Variants in GALC observed in about 807,000 individuals in gnomAD.
The protein encoded by GALC is galactosylceramidase.
Under a neutral mutation model 91.8 loss-of-function variants are expected in GALC, and 77 were observed. That is an observed-to-expected ratio of 0.84 (90% CI 0.70 to 1.01). The LOEUF (loss-of-function observed/expected upper bound fraction) is 1.01, where lower values mean the gene tolerates loss of function less well. Ranked by LOEUF, GALC falls within the 50% of genes least tolerant of loss-of-function variation. The pLI is 0.00. For missense variants in GALC, 882 were observed against 855.9 expected (o/e 1.03, Z -0.38); for synonymous variants, 357 against 306.7 (o/e 1.16, Z -1.71).
intron 4 of GALC, 86 bp from the exon 5 acceptor site, chr14:87,984,619 A>T (rs1886895407): frequency 7.2e-7 from 1 of 1,383,240 alleles, no homozygotes; most frequent in South Asian, 1.2e-5. Context: ...TTTTAAGAAA[A>T]GCATTCAACT....
At chr14:87,953,726 T>C (rs1885403265) in intron 10 of GALC, 8 of 1,607,404 alleles carry the variant, frequency 5.0e-6, no homozygotes, top group South Asian at 1.1e-5. Flanking sequence ...GGAGATTCTG[T>C]TGTAGAAATG....
At chr14:87,981,503 C>T (rs1246192432) in intron 6 of GALC, 3 of 177,924 alleles carry the variant, frequency 1.7e-5, no homozygotes, top group Non-Finnish European at 3.5e-5. Flanking sequence ...AAATAAAATA[C>T]TGTCCCAAAA....
At chr14:87,956,499 G>A (rs1434738247) in intron 10 of GALC, among the ~76,000 whole-genome samples, 1 of 150,494 alleles carries the variant, frequency 6.6e-6, no homozygotes, top group Non-Finnish European at 1.5e-5. Flanking sequence ...CTATGCTGAA[G>A]AGTATTTCAT....
chr14:87,971,867 A>G (rs773678522), intron 7 of GALC, among the ~76,000 whole-genome samples: 9 of 152,150 alleles, frequency 5.9e-5, no homozygotes, highest in African/African-American at 7.2e-5. Context: ...TTCAACATGA[A>G]AATAAGCTGT....
rs1448632076 is a variant in GALC at position 87,950,744 on chromosome 14, T to C, written c.1166A>G (p.His389Arg). 1.3e-6 allele frequency: 2 copies of C among 1,482,202 alleles called. No individual in the cohort carries two copies. The highest frequency in any genetic ancestry group is 9.0e-7 in the Non-Finnish European group (1 of 1,114,566). The allele number at this position is 1,482,202 out of a possible 1,614,324, so 91.8% of individuals were successfully genotyped here. ...TGGCCGTATGCACTTAGAATGTTTA[T>C]GACTCTGAAAAAAAAAAATCACATA... is the stretch of plus-strand genomic sequence containing the variant. Reference protein sequence around the residue: ...NLTIIIETMSHKHSKCIRPFL... With the variant: ...NLTIIIETMSRKHSKCIRPFL... Residue 389 changes from histidine to arginine, a missense_variant, in exon 11 of 17, where the codon CAT becomes CGT. By Grantham distance (29) the His-to-Arg change is conservative (BLOSUM62 0). Transcript: ENST00000261304.
intron 5 of GALC, 85 bp from the exon 6 acceptor site, chr14:87,982,328 A>C: frequency 3.4e-6 from 3 of 874,564 alleles, no homozygotes; most frequent in South Asian, 1.4e-5. Flanking sequence ...CATTTCTCTC[A>C]TCATCTTTCA....
chr14:87,963,844 C>CA (rs1885915243), intron 9 of GALC, among the ~76,000 whole-genome samples: 1 of 151,544 alleles, frequency 6.6e-6, no homozygotes, highest in Admixed American at 6.6e-5. Context: ...AAATAGCTAC[C>CA]AAAAAAAGGT....
At chr14:87,971,803 T>A (rs1595221864) in intron 7 of GALC, among the ~76,000 whole-genome samples, 1 of 152,126 alleles carries the variant, frequency 6.6e-6, no homozygotes, top group African/African-American at 2.4e-5. Flanking sequence ...ACAATACAGG[T>A]TTAAGCAATA....
intron 6 of GALC, among the ~76,000 whole-genome samples, chr14:87,977,809 T>C (rs1026857057): frequency 6.6e-6 from 1 of 152,254 alleles, no homozygotes; most frequent in African/African-American, 2.4e-5. Context: ...ATCCATGGTA[T>C]ACTTTTCAAC....
At chr14:87,993,256 C>G (rs1887317468), upstream of GALC, 2 of 1,540,640 alleles carry the variant, frequency 1.3e-6, no homozygotes, top group Non-Finnish European at 1.7e-6. Context: ...CTGACGCCGC[C>G]GCCGCCATTT....
intron 7 of GALC, among the ~76,000 whole-genome samples, chr14:87,971,014 G>C (rs1191447968): frequency 1.3e-5 from 2 of 151,704 alleles, no homozygotes; most frequent in Non-Finnish European, 2.9e-5. Context: ...CAACTTTATA[G>C]TTTATCCTAA....
intron 6 of GALC, among the ~76,000 whole-genome samples, chr14:87,979,684 G>A (rs76679904): frequency 0.11 from 17,190 of 152,160 alleles, 1,132 homozygotes; most frequent in Non-Finnish European, 0.16. Context: ...ATGACCACAA[G>A]AGAGACATGT....
chr14:87,946,130 C>A (rs1478762522), intron 13 of GALC, among the ~76,000 whole-genome samples: 1 of 151,988 alleles, frequency 6.6e-6, no homozygotes, highest in Non-Finnish European at 1.5e-5. Flanking sequence ...ATAACAGGTA[C>A]ATAAGCCAGC....
chr14:87,951,271 A>G (rs1283138347), intron 10 of GALC, among the ~76,000 whole-genome samples: 1 of 151,890 alleles, frequency 6.6e-6, no homozygotes, highest in Non-Finnish European at 1.5e-5. Context: ...AATAGTCACA[A>G]CTATGGGCTG....
chr14:87,938,614 A>G (rs1884694368), intron 16 of GALC, among the ~76,000 whole-genome samples: 2 of 152,008 alleles, frequency 1.3e-5, no homozygotes, highest in Admixed American at 6.6e-5. Flanking sequence ...TTAAAAAATT[A>G]TATTCAGTAC....
intron 12 of GALC, among the ~76,000 whole-genome samples, chr14:87,948,184 A>C (rs1160183914): frequency 6.6e-6 from 1 of 151,966 alleles, no homozygotes; most frequent in Non-Finnish European, 1.5e-5. Flanking sequence ...TAAGCTCCTT[A>C]AAGCTTGGAT....
intron 10 of GALC, chr14:87,954,655 A>C (rs1338866560): frequency 6.3e-7 from 1 of 1,576,062 alleles, no homozygotes; most frequent in Non-Finnish European, 8.7e-7. Context: ...ATAAATGTTC[A>C]GGAGTGGTTC....
At position 87,949,923 on chromosome 14, in the gene GALC, TA is replaced by T; in HGVS notation, c.1259del (p.Ile420AsnfsTer37). 2 of 1,555,808 alleles carry T rather than the reference TA, an allele frequency of 1.3e-6. No individual in the cohort carries two copies. The highest frequency in any genetic ancestry group is 2.2e-5 in the South Asian group (2 of 89,752). The part of the protein sequence containing the change: ...TFVLKGSFSE[I>X]PELQVWYTKL... Reference sequence around the variant, plus strand: ...TGGTATACCATACCTGTAGCTCTGGTATTTCACTCTGTAAAGAAAAGACAAA... The same window carrying T: ...TGGTATACCATACCTGTAGCTCTGGTTTTCACTCTGTAAAGAAAAGACAAA... On this transcript the variant is annotated frameshift_variant, in exon 12 of 17. Transcript: ENST00000261304. LOFTEE classifies it high-confidence loss of function.
At chr14:87,956,988 T>C (rs1037076370) in intron 10 of GALC, among the ~76,000 whole-genome samples, 2 of 152,178 alleles carry the variant, frequency 1.3e-5, no homozygotes, top group South Asian at 4.1e-4. Flanking sequence ...CTCGTTGTGG[T>C]TCTAATTTGC....
Sources: gnomAD v4.1 joint callset for allele counts (sites outside exome capture counted in the v4.1 genomes callset) on GRCh38, gnomAD v4.1.1 for gene constraint, MANE v1.5 for transcripts, NCBI Gene and HGNC (gene_info 2026-07-23, HGNC 2026-07-21) for gene names.